LAMA5: variants seen among roughly 807,000 people sequenced by gnomAD.
The protein encoded by LAMA5 is laminin subunit alpha-5.
Under a neutral mutation model 433.4 loss-of-function variants are expected in LAMA5, and 260 were observed. That is an observed-to-expected ratio of 0.60 (90% CI 0.54 to 0.66). The LOEUF is 0.66. Ranked by LOEUF, LAMA5 falls within the 30% of genes least tolerant of loss-of-function variation. LAMA5 has a pLI of 0.00. For synonymous variants in LAMA5, 2,620 were observed against 2,226.6 expected, an observed-to-expected ratio of 1.18 and a Z score of -4.97; for missense variants, 5,378 against 5,258.5, an observed-to-expected ratio of 1.02 and a Z score of -0.70.
chr20:62,346,136 A>T lies in LAMA5; in HGVS notation c.1362T>A (p.Ser454=), dbSNP rs1240656994. 7 of 1,612,988 alleles carry T rather than the reference A, an allele frequency of 4.3e-6. No individual in the cohort carries two copies. Among genetic ancestry groups the T allele is most frequent in the Non-Finnish European group, 5.9e-6 (7 of 1,179,998 alleles). ...CGGCACACACGTCACACCGCTCCCCAGAGAAGTTGGGCCGGCAGTAGCATC... is the reference window on the plus strand; with the variant it reads ...CGGCACACACGTCACACCGCTCCCCTGAGAAGTTGGGCCGGCAGTAGCATC... ...TGRCYCRPNF[S]GERCDVCAEG... Residue 454 remains serine, a synonymous_variant, in exon 10 of 80, where the codon TCT becomes TCA. Transcript: ENST00000252999.
chr20:62,313,560 G>A lies in LAMA5; in HGVS notation c.8658+89C>T, dbSNP rs1201086042. The A allele has an allele frequency of 1.9e-6, 3 of 1,563,364 alleles. No individual in the cohort carries two copies. In the East Asian group the frequency reaches 6.8e-5, roughly 35 times the overall value. On this transcript the variant is annotated intron_variant, in intron 63 of 79. Coordinates refer to ENST00000252999, the MANE Select transcript of LAMA5 (RefSeq NM_005560.6). ...ACTACAGCAGGACGGACTGAGGCAA[G>A]ATACCAAAAGAACCCGCGGCTCTCC...
Position 62,332,613 on chromosome 20 carries a change from G to A in LAMA5, c.3387C>T (p.His1129=), listed in dbSNP as rs370797974. 69 of 1,604,248 alleles carry A rather than the reference G, an allele frequency of 4.3e-5. No individual in the cohort carries two copies. In the African/African-American group the frequency reaches 8.3e-4, roughly 19 times the overall value. ...DARQEVGVAV[H]TPQRAPQQGL... ...CCTGCTGGGGGGCCCGCTGTGGGGT[G>A]TGCACGGCCACGCCCACCTCCTGGC... Residue 1129 remains histidine (H), a synonymous_variant, in exon 27 of 80, where the codon CAC becomes CAT. Transcript: ENST00000252999.
rs1568882637 is a variant in LAMA5, at chr20:62,309,079, C to CTT, written c.*255_*256dup. 3 of 609,418 alleles carry CTT rather than the reference C, an allele frequency of 4.9e-6. No homozygotes were observed. Among genetic ancestry groups the CTT allele is most frequent in the East Asian group, 5.9e-5 (2 of 33,732 alleles). 37.8% of individuals were successfully genotyped at this position (609,418 alleles called of 1,614,324 possible). A position where few individuals can be genotyped will look rare whatever the true frequency, so the allele number is the denominator to read the frequency against. ...CATTCATTCGGTTACACAGAAGTTA[C>CTT]TTTTTAATTTTTAAGGAGGAACCAG... On this transcript the variant is annotated 3_prime_UTR_variant, in exon 80 of 80. Coordinates refer to ENST00000252999, the MANE Select transcript of LAMA5 (RefSeq NM_005560.6).
intron 57 of LAMA5, 26 bp from the exon 58 acceptor site, chr20:62,316,084 C>T (rs1986901935): frequency 2.0e-6 from 3 of 1,527,266 alleles, no homozygotes; most frequent in East Asian, 2.3e-5. Flanking sequence ...CTTCAGCTCC[C>T]AGGCAGCTTC....
chr20:62,344,952 G>C (rs1983126165), intron 11 of LAMA5, among the ~76,000 whole-genome samples: 1 of 152,194 alleles, frequency 6.6e-6, no homozygotes, highest in Admixed American at 6.5e-5. Context: ...TTGTGAAAGA[G>C]AAGTGCTTGT....
intron 6 of LAMA5, chr20:62,351,252 G>A (rs1173488816): frequency 4.4e-6 from 1 of 226,986 alleles, no homozygotes; most frequent in Admixed American, 5.0e-5. Flanking sequence ...TGAAAGGTTG[G>A]GGGAGCTGGG....
Position 62,328,836 on chromosome 20 carries a change from G to T in LAMA5, c.4447+8C>A. Reference sequence around the variant, plus strand: ...TGCCACTGGGCGCCCAAGGACTGGGGTACTCACGCCTGCAGTTGGGGAAGC... The same window carrying T: ...TGCCACTGGGCGCCCAAGGACTGGGTTACTCACGCCTGCAGTTGGGGAAGC... On this transcript the variant is annotated splice_region_variant and intron_variant, in intron 34 of 79. Transcript: ENST00000252999. The T allele has an allele frequency of 1.2e-6, 2 of 1,610,224 alleles. No homozygotes were observed. Among genetic ancestry groups the T allele is most frequent in the Non-Finnish European group, 1.7e-6 (2 of 1,179,098 alleles).
chr20:62,357,478 C>T lies in LAMA5; in HGVS notation c.451-4227G>A, dbSNP rs562023841. Among the ~76,000 whole-genome samples the T allele has an allele frequency of 1.4e-4, 21 of 152,282 alleles. No homozygotes were observed. In the East Asian group the frequency reaches 3.1e-3, roughly 22 times the overall value. ...CCCTCGAAGAGACCCCATCTGGAAA[C>T]GTAGATAAGCCCCACAGCAGGGGCG... On this transcript the variant is annotated intron_variant, in intron 2 of 79. Coordinates refer to ENST00000252999, the MANE Select transcript of LAMA5 (RefSeq NM_005560.6).
At chr20:62,323,345 G>A in intron 45 of LAMA5, 111 bp downstream of exon 45, 1 of 914,260 alleles carries the variant, frequency 1.1e-6, no homozygotes, top group Non-Finnish European at 1.6e-6. Flanking sequence ...GACTTGTCCT[G>A]GCTGGGCCCC....
intron 6 of LAMA5, among the ~76,000 whole-genome samples, chr20:62,350,698 ACT>A (rs1282441116): frequency 1.3e-5 from 2 of 151,614 alleles, no homozygotes; most frequent in Non-Finnish European, 2.9e-5. Context: ...CAGCTGCACC[ACT>A]CTGAGTGGCT....
At chr20:62,346,630 T>C in intron 8 of LAMA5, 34 bp from the exon 9 acceptor site, 1 of 1,609,298 alleles carries the variant, frequency 6.2e-7, no homozygotes, top group Non-Finnish European at 8.5e-7. Flanking sequence ...TCTGGGGAGG[T>C]CCCTGCCCCA....
chr20:62,332,833 C>G (rs1980737652), intron 26 of LAMA5, 116 bp from the exon 27 acceptor site: 2 of 1,306,688 alleles, frequency 1.5e-6, no homozygotes, highest in African/African-American at 1.5e-5. Context: ...GAGTCCCACC[C>G]TGGCCCGGAC....
At chr20:62,341,468 G>T (rs948332443) in intron 11 of LAMA5, among the ~76,000 whole-genome samples, 13 of 152,118 alleles carry the variant, frequency 8.5e-5, no homozygotes, top group African/African-American at 1.2e-4. Context: ...TGTTGTAGGA[G>T]GTTCCCAGCA....
In LAMA5 at chr20:62,362,474, G is replaced by C; in HGVS notation, c.376C>G (p.Arg126Gly). 2.5e-6 allele frequency: 4 copies of C among 1,604,032 alleles called. No homozygotes were observed. The South Asian group carries it at 4.4e-5, about 18-fold the overall frequency. ...PASNAIDGTERWWQSPPLSRG... is the reference protein window; with the variant it reads ...PASNAIDGTEGWWQSPPLSRG... ...GACAGCGGTGGACTCTGCCACCAGCGCTCCGTGCCATCGATGGCATTGCTC... is the reference window on the plus strand; with the variant it reads ...GACAGCGGTGGACTCTGCCACCAGCCCTCCGTGCCATCGATGGCATTGCTC... The change falls in exon 2 of 80, where the codon CGC (arginine) becomes GGC (glycine). Residue 126 changes from arginine (R) to glycine (G), a missense_variant. Transcript: ENST00000252999.
rs747326879 is a variant in LAMA5 at position 62,351,921 on chromosome 20, C to G, written c.846G>C (p.Thr282=). Residue 282 remains threonine, a synonymous_variant, in exon 5 of 80, where the codon ACG becomes ACC. Coordinates refer to ENST00000252999, the MANE Select transcript of LAMA5 (RefSeq NM_005560.6). Reference sequence around the variant, plus strand: ...ATGGGCAGCTCACCCGGCGGGTGACCGTGGGGTCCCGCAGCGCCTTCCCCA... The same window carrying G: ...ATGGGCAGCTCACCCGGCGGGTGACGGTGGGGTCCCGCAGCGCCTTCCCCA... The part of the protein sequence containing the change: ...HLMGKALRDP[T]VTRRYYYSIK... 3 of 1,605,942 alleles carry G rather than the reference C, an allele frequency of 1.9e-6. No individual in the cohort carries two copies. The highest frequency in any genetic ancestry group is 3.4e-5 in the Admixed American group (2 of 59,130).
At chr20:62,327,476 G>A in intron 37 of LAMA5, 53 bp downstream of exon 37, 3 of 1,607,776 alleles carry the variant, frequency 1.9e-6, no homozygotes, top group Admixed American at 1.7e-5. Flanking sequence ...CTTGCATCCA[G>A]TCCCACCTAA....
In LAMA5 at chr20:62,338,109, C is replaced by A; in HGVS notation, c.1798G>T (p.Asp600Tyr). The change falls in exon 14 of 80, where the codon GAT (aspartate) becomes TAT (tyrosine). Residue 600 changes from aspartate (D) to tyrosine (Y), a missense_variant. Physicochemically the swap from Asp to Tyr is radical, Grantham distance 160. Transcript: ENST00000252999. The part of the protein sequence containing the change: ...SPAGTLPEGC[D>Y]EAGRCLCQPE... ...TGGCATAGGCAGCGGCCGGCCTCATCGCAGCCCTCGGGCAAGGTTCCTGCA... is the reference window on the plus strand; with the variant it reads ...TGGCATAGGCAGCGGCCGGCCTCATAGCAGCCCTCGGGCAAGGTTCCTGCA... 1.3e-6 allele frequency: 2 copies of A among 1,598,610 alleles called. No individual in the cohort carries two copies. Among genetic ancestry groups the A allele is most frequent in the South Asian group, 1.1e-5 (1 of 88,936 alleles).
chr20:62,362,449 G>A lies in LAMA5; in HGVS notation c.401C>T (p.Ser134Phe), dbSNP rs1179782957. Residue 134 changes from serine (S) to phenylalanine (F), a missense_variant, in exon 2 of 80, where the codon TCC becomes TTC. Ser to Phe is a radical substitution (Grantham distance 155, BLOSUM62 -2). Coordinates refer to ENST00000252999, the MANE Select transcript of LAMA5 (RefSeq NM_005560.6). ...TERWWQSPPL[S>F]RGLEYNEVNV... ...GACCTCGTTGTACTCCAGGCCGCGG[G>A]ACAGCGGTGGACTCTGCCACCAGCG... The A allele has an allele frequency of 6.3e-7, 1 of 1,593,852 alleles. No individual in the cohort carries two copies. The highest frequency in any genetic ancestry group is 1.7e-5 in the Admixed American group (1 of 58,382).
At chr20:62,319,610 GCCAGGCACCC>G (rs771580487) in intron 51 of LAMA5, 64 bp downstream of exon 51, 59 of 1,105,366 alleles carry the variant, frequency 5.3e-5, no homozygotes, top group Non-Finnish European at 7.1e-5. Flanking sequence ...GCCAAGCTCG[GCCAGGCACCC>G]CCACCCCTAC....
Sources: gnomAD v4.1 joint callset for allele counts (sites outside exome capture counted in the v4.1 genomes callset) on GRCh38, gnomAD v4.1.1 for gene constraint, MANE v1.5 for transcripts, NCBI Gene and HGNC (gene_info 2026-07-23, HGNC 2026-07-21) for gene names.